The following NTRK3 variants were observed in gnomAD, a reference collection of about 807,000 sequenced individuals.
The protein encoded by NTRK3 is neurotrophic receptor tyrosine kinase 3, also known as NT-3 growth factor receptor.
A neutral mutation model predicts 91.7 loss-of-function variants in NTRK3; 24 were observed. That is an observed-to-expected ratio of 0.26 (90% CI 0.19 to 0.37). The LOEUF (loss-of-function observed/expected upper bound fraction) is 0.37, where lower values mean the gene tolerates loss of function less well. Ranked by LOEUF, NTRK3 falls within the 10% of genes least tolerant of loss-of-function variation. NTRK3 has a pLI of 1.00. For missense variants in NTRK3, 880 were observed against 1,068.9 expected (o/e 0.82, Z 2.46); for synonymous variants, 483 against 404.0 (o/e 1.20, Z -2.34).
At chr15:87,950,875 T>C (rs531234421) in intron 14 of NTRK3, among the ~76,000 whole-genome samples, 1 of 152,210 alleles carries the variant, frequency 6.6e-6, no homozygotes, top group Non-Finnish European at 1.5e-5. Context: ...AGTTTTGATA[T>C]CTTTAAATGA....
chr15:88,026,112 A>C (rs1279291950), intron 14 of NTRK3, among the ~76,000 whole-genome samples: 1 of 152,100 alleles, frequency 6.6e-6, no homozygotes, highest in African/African-American at 2.4e-5. Context: ...TCTACTAAAA[A>C]TACAAAAAAT....
At chr15:88,053,609 G>A (rs1355427759) in intron 13 of NTRK3, among the ~76,000 whole-genome samples, 1 of 152,096 alleles carries the variant, frequency 6.6e-6, no homozygotes, top group Non-Finnish European at 1.5e-5. Context: ...ACCTCAGCTG[G>A]GCAAGTTATT....
At chr15:88,050,843 A>G (rs2080755276) in intron 13 of NTRK3, among the ~76,000 whole-genome samples, 1 of 152,122 alleles carries the variant, frequency 6.6e-6, no homozygotes, top group African/African-American at 2.4e-5. Context: ...TGGAATTCCA[A>G]TCCAAGACCA....
intron 6 of NTRK3, among the ~76,000 whole-genome samples, chr15:88,145,757 G>A (rs925735669): frequency 1.3e-5 from 2 of 152,176 alleles, no homozygotes; most frequent in Non-Finnish European, 2.9e-5. Context: ...GGGACTACGG[G>A]TTCCAGAATA....
chr15:88,058,552 A>G (rs148796997), intron 13 of NTRK3, among the ~76,000 whole-genome samples: 75 of 152,040 alleles, frequency 4.9e-4, no homozygotes, highest in African/African-American at 1.8e-3. Context: ...GCATTTTTTA[A>G]CTTCTTTTCC....
At chr15:88,196,619 G>A (rs556787085) in intron 3 of NTRK3, among the ~76,000 whole-genome samples, 1 of 152,368 alleles carries the variant, frequency 6.6e-6, no homozygotes, top group South Asian at 2.1e-4. Context: ...TTAAGGAGCT[G>A]GAGCAGTAGC....
intron 3 of NTRK3, among the ~76,000 whole-genome samples, chr15:88,197,775 C>A (rs958408157): frequency 2.0e-5 from 3 of 152,228 alleles, no homozygotes; most frequent in African/African-American, 7.2e-5. Context: ...CAAGCTACTC[C>A]AGGGAGGTGT....
At chr15:87,994,192 A>G (rs2141533799) in intron 14 of NTRK3, among the ~76,000 whole-genome samples, 1 of 152,248 alleles carries the variant, frequency 6.6e-6, no homozygotes, top group Non-Finnish European at 1.5e-5. Flanking sequence ...GAGACATTCC[A>G]TGTGGCGGGA....
intron 13 of NTRK3, among the ~76,000 whole-genome samples, chr15:88,045,299 AT>A (rs1278516961): frequency 6.6e-6 from 1 of 152,220 alleles, no homozygotes; most frequent in Non-Finnish European, 1.5e-5. Flanking sequence ...ACCTGTCTGC[AT>A]TTGAACCCAT....
At chr15:88,092,030 A>G (rs1295493974) in intron 13 of NTRK3, among the ~76,000 whole-genome samples, 4 of 152,224 alleles carry the variant, frequency 2.6e-5, no homozygotes, top group Non-Finnish European at 4.4e-5. Flanking sequence ...AGTAGATCAC[A>G]CATCACAACA....
exon 19 of NTRK3, chr15:87,866,837 G>A (rs983535088): frequency 3.9e-5 from 8 of 203,836 alleles, no homozygotes; most frequent in Non-Finnish European, 8.0e-5. Flanking sequence ...TTTGGATGCT[G>A]CTGCAAATCT....
chr15:87,958,923 A>C (rs943932925), intron 14 of NTRK3, among the ~76,000 whole-genome samples: 1 of 151,762 alleles, frequency 6.6e-6, no homozygotes, highest in Non-Finnish European at 1.5e-5. Flanking sequence ...AGCCCAATGC[A>C]CTCTATCATT....
In NTRK3 at chr15:88,162,610, C is replaced by G. The variant is rs558218550; in HGVS notation, c.396-15207G>C. ...ACTCAGCATACGCGCTAAATGGTTT[C>G]CAATTAATTAACTGATTACATGATA... On this transcript the variant is annotated intron_variant, in intron 5 of 18. Coordinates refer to ENST00000394480, the Ensembl canonical transcript of NTRK3. Among the ~76,000 whole-genome samples the G allele has an allele frequency of 1.1e-4, 16 of 152,254 alleles. No homozygotes were observed. The South Asian group carries it at 3.1e-3, about 30-fold the overall frequency.
intron 14 of NTRK3, among the ~76,000 whole-genome samples, chr15:87,976,753 T>A (rs1458359203): frequency 1.3e-5 from 2 of 152,162 alleles, no homozygotes; most frequent in Non-Finnish European, 1.5e-5. Flanking sequence ...AGTGTGTGCA[T>A]GAAAGGGAGT....
intron 14 of NTRK3, among the ~76,000 whole-genome samples, chr15:87,959,973 C>T (rs2072083536): frequency 6.6e-6 from 1 of 152,198 alleles, no homozygotes; most frequent in Non-Finnish European, 1.5e-5. Context: ...TGCTGCCTTT[C>T]CCCAGCTGCA....
chr15:88,230,300 C>G (rs1304538041), intron 3 of NTRK3, among the ~76,000 whole-genome samples: 1 of 152,226 alleles, frequency 6.6e-6, no homozygotes, highest in Non-Finnish European at 1.5e-5. Context: ...TAAGAGGATG[C>G]CTGAATTTTC....
intron 13 of NTRK3, among the ~76,000 whole-genome samples, chr15:88,111,438 G>T (rs999865661): frequency 1.1e-4 from 17 of 152,156 alleles, no homozygotes; most frequent in Non-Finnish European, 4.4e-5. Context: ...CCTGAGGCTG[G>T]GTAAGCAGCT....
rs371260139 is a variant in NTRK3 at position 88,115,341 on chromosome 15, A to G, written c.1396+10930T>C. Among the ~76,000 whole-genome samples, 64 of 152,362 alleles carry G rather than the reference A, an allele frequency of 4.2e-4. No homozygotes were observed. In the East Asian group the frequency reaches 0.012, roughly 28 times the overall value. ...ATTTTCACACATAATGGCTCATAACAGTACTCAAATCCTGCCTGCTTCCCC... is the reference window on the plus strand; with the variant it reads ...ATTTTCACACATAATGGCTCATAACGGTACTCAAATCCTGCCTGCTTCCCC... On this transcript the variant is annotated intron_variant, in intron 13 of 18. Transcript: ENST00000394480.
chr15:88,026,227 C>A (rs532727491), intron 14 of NTRK3, among the ~76,000 whole-genome samples: 3 of 151,960 alleles, frequency 2.0e-5, no homozygotes, highest in East Asian at 1.9e-4. Flanking sequence ...GCCAAGAATG[C>A]GCCACTGCAC....
Sources: allele counts gnomAD v4.1 joint callset (sites outside exome capture counted in the v4.1 genomes callset), GRCh38; gene constraint gnomAD v4.1.1; transcripts MANE v1.5; gene names NCBI Gene and HGNC (gene_info 2026-07-23, HGNC 2026-07-21).